Variants in CD163L1 observed in about 807,000 individuals in gnomAD.
CD163L1 encodes scavenger receptor cysteine-rich type 1 protein M160.
A neutral mutation model predicts 165.4 loss-of-function variants in CD163L1; 124 were observed. The observed-to-expected ratio is 0.75, with a 90% CI of 0.65 to 0.87. CD163L1 has a LOEUF of 0.87. Among genes scored for constraint, CD163L1 ranks in the 40% least tolerant of loss-of-function variants. The pLI, the probability that CD163L1 is intolerant of heterozygous loss-of-function variation, is 0.00. For synonymous variants in CD163L1, 585 were observed against 662.2 expected (o/e 0.88, Z 1.79); for missense variants, 1,525 against 1,799.9 (o/e 0.85, Z 2.76).
chr12:7,444,145 C>G lies in CD163L1; in HGVS notation c.-18G>C. On this transcript the variant is annotated 5_prime_UTR_variant, in exon 1 of 20. Transcript: ENST00000313599. ...AGCATCATTATGGGTCTATCTCTTC[C>G]TGAGTCCTGATGTAACTCCTGGGTC... 6.2e-7 allele frequency: 1 copy of G among 1,613,458 alleles called. No individual in the cohort carries two copies. Among genetic ancestry groups the G allele is most frequent in the Non-Finnish European group, 8.5e-7 (1 of 1,179,532 alleles).
At chr12:7,384,876 C>T (rs757655391) in intron 8 of CD163L1, among the ~76,000 whole-genome samples, 1 of 151,636 alleles carries the variant, frequency 6.6e-6, no homozygotes, top group East Asian at 1.9e-4. Context: ...AAAAAAAGGA[C>T]CCAAATGTTA....
intron 18 of CD163L1, 69 bp downstream of exon 18, chr12:7,367,167 T>C (rs1947039983): frequency 2.2e-6 from 2 of 914,378 alleles, no homozygotes; most frequent in Middle Eastern, 2.8e-4. Flanking sequence ...TGGGAGTTCC[T>C]AAATATCAGC....
At chr12:7,327,214 C>T in the CD163L1 span, 4 of 1,242,854 alleles carry the variant, frequency 3.2e-6, no homozygotes, top group South Asian at 4.9e-5. Context: ...AGACACTTTT[C>T]AATTTGTTTA....
intron 4 of CD163L1, among the ~76,000 whole-genome samples, chr12:7,421,128 T>C (rs1466661833): frequency 1.8e-4 from 2 of 11,108 alleles, no homozygotes; most frequent in South Asian, 4.3e-3. Flanking sequence ...AATGTATATA[T>C]ACGTATATAT....
Position 7,432,886 on chromosome 12 carries a change from T to G in CD163L1, c.446-150A>C. 8 of 630,866 alleles carry G rather than the reference T, an allele frequency of 1.3e-5. No homozygotes were observed. The highest frequency in any genetic ancestry group is 2.0e-5 in the Non-Finnish European group (8 of 397,024). 39.1% of individuals were successfully genotyped at this position (630,866 alleles called of 1,614,324 possible). ...TGAAAATACTTATAGGAGGGGTATG[T>G]GAGGCTTTTTTCTAAACACAAATAC... On this transcript the variant is annotated intron_variant, in intron 3 of 19. Transcript: ENST00000313599. This position sits in a 1 kb window ranked among gnomAD's most constrained non-coding sequence, Gnocchi z 4.2.
At chr12:7,410,567 G>A (rs928671502) in intron 4 of CD163L1, among the ~76,000 whole-genome samples, 12 of 150,632 alleles carry the variant, frequency 8.0e-5, no homozygotes, top group Middle Eastern at 6.8e-3. Context: ...TCACACCACC[G>A]CACTCCAGCC....
Position 7,369,051 on chromosome 12 carries a change from T to C in CD163L1, c.4040-86A>G. The C allele has an allele frequency of 7.2e-7, 1 of 1,381,718 alleles. No individual in the cohort carries two copies. Among genetic ancestry groups the C allele is most frequent in the Non-Finnish European group, 1.0e-6 (1 of 987,246 alleles). The allele number at this position is 1,381,718 out of a possible 1,614,324, so 85.6% of individuals were successfully genotyped here. On this transcript the variant is annotated intron_variant, in intron 15 of 19. Transcript: ENST00000313599. The surrounding 1 kb of genome is among the most constrained non-coding windows in gnomAD (Gnocchi z 4.9). ...TTACATCTCCTGCGATTATCGGATGTCATTTAAATATCCTTTTAACATCTC... is the reference window on the plus strand; with the variant it reads ...TTACATCTCCTGCGATTATCGGATGCCATTTAAATATCCTTTTAACATCTC...
chr12:7,409,007 G>T (rs1366849272), intron 4 of CD163L1, among the ~76,000 whole-genome samples: 1 of 152,168 alleles, frequency 6.6e-6, no homozygotes, highest in Non-Finnish European at 1.5e-5. Flanking sequence ...CATTGCTATT[G>T]CATGTGTATA....
At chr12:7,433,260 T>A (rs1258363662) in intron 3 of CD163L1, 114 bp downstream of exon 3, 2 of 861,352 alleles carry the variant, frequency 2.3e-6, no homozygotes, top group Non-Finnish European at 3.5e-6. Flanking sequence ...ATAAAATATT[T>A]CCTACACCTC....
At chr12:7,333,815 C>T in the CD163L1 span, among the ~76,000 whole-genome samples, 1 of 152,136 alleles carries the variant, frequency 6.6e-6, no homozygotes, top group Non-Finnish European at 1.5e-5. Flanking sequence ...GATATCACCA[C>T]CAATCCCACA....
At chr12:7,344,843 A>G (rs985222988), downstream of CD163L1, among the ~76,000 whole-genome samples, 3 of 152,230 alleles carry the variant, frequency 2.0e-5, no homozygotes, top group Non-Finnish European at 4.4e-5. Flanking sequence ...AGCTGCTGCT[A>G]CAACTGTATC....
intron 8 of CD163L1, among the ~76,000 whole-genome samples, chr12:7,390,649 T>C (rs538256396): frequency 4.6e-5 from 7 of 152,174 alleles, no homozygotes; most frequent in East Asian, 3.8e-4. Flanking sequence ...AAAGGGAGAA[T>C]AGAATTATGA....
In CD163L1 at chr12:7,374,692, G is replaced by C; in HGVS notation, c.3159C>G (p.His1053Gln). The C allele has an allele frequency of 1.2e-6, 2 of 1,614,206 alleles. No individual in the cohort carries two copies. Among genetic ancestry groups the C allele is most frequent in the Non-Finnish European group, 1.7e-6 (2 of 1,180,034 alleles). The change falls in exon 13 of 20, where the codon CAC becomes CAG. Residue 1053 changes from histidine to glutamine, a missense_variant. His to Gln is a conservative substitution (Grantham distance 24). Transcript: ENST00000313599. This position sits in a 1 kb window ranked among gnomAD's most constrained non-coding sequence, Gnocchi z 5.4. Reference sequence around the variant, plus strand: ...CACAGATGGTGCCCCAGAAGCCGTCGTGATAGATCTCTACTCTCCCGGCAC... The same window carrying C: ...CACAGATGGTGCCCCAGAAGCCGTCCTGATAGATCTCTACTCTCCCGGCAC... ...SRCAGRVEIY[H>Q]DGFWGTICDD...
chr12:7,364,734 A>G (rs984162636), intron 18 of CD163L1, among the ~76,000 whole-genome samples: 5 of 152,142 alleles, frequency 3.3e-5, no homozygotes, highest in Admixed American at 3.3e-4. Flanking sequence ...TTAACCAAGA[A>G]GTGAAAGATG....
In CD163L1 at chr12:7,400,529, C is replaced by T. The variant is rs1947896145; in HGVS notation, c.1409-1945G>A. 2.0e-5 allele frequency among the ~76,000 whole-genome samples: 3 copies of T among 152,068 alleles called. No homozygotes were observed. The South Asian group carries it at 6.2e-4, about 31-fold the overall frequency. On this transcript the variant is annotated intron_variant, in intron 6 of 19. Transcript: ENST00000313599. This position sits in a 1 kb window ranked among gnomAD's most constrained non-coding sequence, Gnocchi z 4.1. ...TATATTTATATTGTATTTTAATAGA[C>T]TGGGTTTTGCTATGTTGCCCAGGCT...
Position 7,368,967 on chromosome 12 carries a change from TGAGA to T in CD163L1, c.4040-6_4040-3del, listed in dbSNP as rs59576617. On this transcript the variant is annotated splice_region_variant and splice_polypyrimidine_tract_variant and intron_variant, in intron 15 of 19. Coordinates refer to ENST00000313599, the MANE Select transcript of CD163L1 (RefSeq NM_174941.6). This position sits in a 1 kb window ranked among gnomAD's most constrained non-coding sequence, Gnocchi z 4.3. ...CATTCAGTGATTTCAGCGACTGTCCTGAGAGAGAGAGAGAGAGAGAGAGACGTAA... is the reference window on the plus strand; with the variant it reads ...CATTCAGTGATTTCAGCGACTGTCCTGAGAGAGAGAGAGAGAGAGACGTAA... The T allele has an allele frequency of 9.0e-4, 1,351 of 1,507,128 alleles. 1 individual carries two copies. Among genetic ancestry groups the T allele is most frequent in the East Asian group, 2.9e-3 (123 of 42,356 alleles). 93.4% of individuals were successfully genotyped at this position (1,507,128 alleles called of 1,614,324 possible).
chr12:7,357,591 C>G, intron 18 of CD163L1, 105 bp from the exon 19 acceptor site: 1 of 756,960 alleles, frequency 1.3e-6, no homozygotes, highest in South Asian at 1.9e-5. Flanking sequence ...TATAATAGAG[C>G]AAGAGGTGAC....
intron 6 of CD163L1, among the ~76,000 whole-genome samples, chr12:7,402,316 A>C (rs1239282513): frequency 6.6e-6 from 1 of 152,086 alleles, no homozygotes; most frequent in Non-Finnish European, 1.5e-5. Flanking sequence ...CAAGATACAA[A>C]ATAAGGAGTT....
chr12:7,388,764 TG>T lies in CD163L1; in HGVS notation c.2050+7330del, dbSNP rs200736318. On this transcript the variant is annotated intron_variant, in intron 8 of 19. Coordinates refer to ENST00000313599, the MANE Select transcript of CD163L1 (RefSeq NM_174941.6). ...GTTTCAAAAAAAAAAAAAAACAAAG[TG>T]GGGGGGGCAAAGGATAGGAATAGAC... is the stretch of plus-strand genomic sequence containing the variant. 4.7e-4 allele frequency among the ~76,000 whole-genome samples: 63 copies of T among 135,188 alleles called. No individual in the cohort carries two copies. The Middle Eastern group carries it at 0.015, about 32-fold the overall frequency. 88.7% of individuals were successfully genotyped at this position (135,188 alleles called of 152,430 possible). A position where few individuals can be genotyped will look rare whatever the true frequency, so the allele number is the denominator to read the frequency against.
Sources: gnomAD v4.1 joint callset for allele counts (sites outside exome capture counted in the v4.1 genomes callset) on GRCh38, gnomAD v4.1.1 for gene constraint, Gnocchi (gnomAD v3.1) non-coding constraint, MANE v1.5 for transcripts, NCBI Gene and HGNC (gene_info 2026-07-23, HGNC 2026-07-21) for gene names.